The following RAPGEF2 variants were observed in gnomAD, a reference collection of about 807,000 sequenced individuals.
RAPGEF2 encodes Rap guanine nucleotide exchange factor 2, also known as PDZ domain containing guanine nucleotide exchange factor (GEF) 1.
Under a neutral mutation model 186.7 loss-of-function variants are expected in RAPGEF2, and 54 were observed. That is an observed-to-expected ratio of 0.29 (90% CI 0.23 to 0.36). The LOEUF is 0.36. Among genes scored for constraint, RAPGEF2 ranks in the 10% least tolerant of loss-of-function variants. The probability of loss-of-function intolerance (pLI) is 1.00; values close to 1 mark genes in which losing one functional copy is unlikely to be tolerated. For missense variants in RAPGEF2, 1,532 were observed against 2,045.0 expected, an observed-to-expected ratio of 0.75 and a Z score of 4.84; for synonymous variants, 712 against 705.9, an observed-to-expected ratio of 1.01 and a Z score of -0.14.
chr4:159,128,950 A>ATG (rs1560991579), intron 1 of RAPGEF2: 2 of 144,152 alleles, frequency 1.4e-5, no homozygotes, highest in Non-Finnish European at 3.0e-5. Flanking sequence ...GTGTGTATAT[A>ATG]TATATATATA....
At chr4:159,182,407 T>TG (rs1747113880) in intron 1 of RAPGEF2, among the ~76,000 whole-genome samples, 1 of 143,878 alleles carries the variant, frequency 7.0e-6, no homozygotes, top group South Asian at 2.2e-4. Flanking sequence ...TTTTTTTTTT[T>TG]TTTTTTGATA....
chr4:159,171,695 T>TA (rs397716499), intron 1 of RAPGEF2, among the ~76,000 whole-genome samples: 1 of 152,056 alleles, frequency 6.6e-6, no homozygotes, highest in Non-Finnish European at 1.5e-5. Context: ...TTTTTTTTTT[T>TA]AAGAATCTTT....
At chr4:159,227,439 C>G (rs181980188) in intron 4 of RAPGEF2, among the ~76,000 whole-genome samples, 1 of 152,152 alleles carries the variant, frequency 6.6e-6, no homozygotes, top group African/African-American at 2.4e-5. Flanking sequence ...AAATGGTGAA[C>G]GTTTAACAAA....
intron 7 of RAPGEF2, among the ~76,000 whole-genome samples, chr4:159,256,801 GT>G (rs1171726734): frequency 6.6e-6 from 1 of 152,152 alleles, no homozygotes; most frequent in Non-Finnish European, 1.5e-5. Flanking sequence ...GATCAGTGAT[GT>G]TTGAGTTTTT....
At chr4:159,338,233 T>G (rs1372525859) in intron 17 of RAPGEF2, 78 bp from the exon 18 acceptor site, 13 of 1,277,752 alleles carry the variant, frequency 1.0e-5, no homozygotes, top group Non-Finnish European at 1.4e-5. Context: ...ATATGGTTTT[T>G]GGTCTGTGTT....
At position 159,346,775 on chromosome 4, in the gene RAPGEF2, C is replaced by T. The variant is rs1417615603; in HGVS notation, c.3503-14C>T. On this transcript the variant is annotated splice_polypyrimidine_tract_variant and intron_variant, in intron 24 of 29. Transcript: ENST00000691494. The stretch of plus-strand genomic sequence containing the variant: ...AAATTCTTTGTTCTATTTTCAAACC[C>T]AAACAATTATCAGTGCCTAAGAATC... The T allele has an allele frequency of 1.9e-6, 3 of 1,609,934 alleles. No homozygotes were observed. The highest frequency in any genetic ancestry group is 2.5e-6 in the Non-Finnish European group (3 of 1,176,992).
intron 4 of RAPGEF2, among the ~76,000 whole-genome samples, chr4:159,222,916 T>TTA (rs141718364): frequency 0.27 from 40,474 of 148,718 alleles, 6,586 homozygotes; most frequent in East Asian, 0.69. Flanking sequence ...ATGAGTTGAA[T>TTA]TATATATATA....
chr4:159,116,741 TC>T (rs1402334761), intron 1 of RAPGEF2, among the ~76,000 whole-genome samples: 1 of 152,200 alleles, frequency 6.6e-6, no homozygotes, highest in Non-Finnish European at 1.5e-5. Flanking sequence ...TGAGATCATG[TC>T]CTTTGCAGGG....
intron 7 of RAPGEF2, among the ~76,000 whole-genome samples, chr4:159,275,732 G>A (rs1370445763): frequency 6.6e-6 from 1 of 151,994 alleles, no homozygotes; most frequent in Admixed American, 6.6e-5. Context: ...GGTATTTTCA[G>A]TGGGCAAAAA....
chr4:159,284,591 G>A (rs546399423), intron 7 of RAPGEF2, among the ~76,000 whole-genome samples: 173 of 151,406 alleles, frequency 1.1e-3, no homozygotes, highest in African/African-American at 3.8e-3. Flanking sequence ...GACTCCTCTG[G>A]ATTTCATTCC....
chr4:159,130,585 A>T (rs1174205241), intron 1 of RAPGEF2, among the ~76,000 whole-genome samples: 1 of 152,180 alleles, frequency 6.6e-6, no homozygotes, highest in Non-Finnish European at 1.5e-5. Flanking sequence ...CTAAAGTCTA[A>T]TTTTATTAAA....
intron 1 of RAPGEF2, among the ~76,000 whole-genome samples, chr4:159,175,592 G>C (rs1286545983): frequency 6.6e-6 from 1 of 152,110 alleles, no homozygotes; most frequent in South Asian, 2.1e-4. Context: ...AAAGAGAAAG[G>C]AATCATCATA....
intron 4 of RAPGEF2, among the ~76,000 whole-genome samples, chr4:159,236,119 A>C (rs558548037): frequency 2.3e-4 from 35 of 152,264 alleles, no homozygotes; most frequent in Non-Finnish European, 5.9e-5. Context: ...TTTTCCATTC[A>C]GCTTATTCAA....
chr4:159,215,579 T>C (rs533970447), intron 4 of RAPGEF2, among the ~76,000 whole-genome samples: 2 of 152,354 alleles, frequency 1.3e-5, no homozygotes, highest in South Asian at 4.1e-4. Flanking sequence ...TTTAGTCTGA[T>C]TTTCTTAATA....
intron 7 of RAPGEF2, among the ~76,000 whole-genome samples, chr4:159,288,103 C>T (rs1298157612): frequency 6.6e-6 from 1 of 152,176 alleles, no homozygotes; most frequent in Non-Finnish European, 1.5e-5. Context: ...AGTTAAACAG[C>T]CATCTTGGAA....
intron 1 of RAPGEF2, among the ~76,000 whole-genome samples, chr4:159,130,292 A>G (rs1465349711): frequency 6.6e-6 from 1 of 151,986 alleles, no homozygotes; most frequent in Non-Finnish European, 1.5e-5. Context: ...AAGAATGTCT[A>G]ACCTCCTGGG....
intron 9 of RAPGEF2, 25 bp downstream of exon 9, chr4:159,314,793 C>A: frequency 6.4e-7 from 1 of 1,551,594 alleles, no homozygotes; most frequent in South Asian, 1.2e-5. Context: ...GAAAATGAAT[C>A]TACGAGCAAT....
chr4:159,289,201 G>A (rs1204202471), intron 7 of RAPGEF2, among the ~76,000 whole-genome samples: 4 of 152,076 alleles, frequency 2.6e-5, no homozygotes, highest in Non-Finnish European at 5.9e-5. Context: ...AACAGTGACC[G>A]GCTTGTTACA....
At chr4:159,150,126 A>G (rs559544008) in intron 1 of RAPGEF2, among the ~76,000 whole-genome samples, 3 of 140,294 alleles carry the variant, frequency 2.1e-5, no homozygotes, top group Admixed American at 6.8e-5. Flanking sequence ...GTTATATACT[A>G]TAATATATAA....
Sources: gnomAD v4.1 joint callset for allele counts (sites outside exome capture counted in the v4.1 genomes callset) on GRCh38, gnomAD v4.1.1 for gene constraint, MANE v1.5 for transcripts, NCBI Gene and HGNC (gene_info 2026-07-23, HGNC 2026-07-21) for gene names.